ZNF462: variants seen among roughly 807,000 people sequenced by gnomAD.
The protein encoded by ZNF462 is zinc finger PBX1-interacting protein.
In ZNF462, 10 loss-of-function variants were observed where a neutral mutation model predicts 201.9. The observed-to-expected ratio is 0.05, with a 90% CI of 0.03 to 0.08. The LOEUF is 0.08. ZNF462 is among the 10% of genes least tolerant of loss of function. The pLI, the probability that ZNF462 is intolerant of heterozygous loss-of-function variation, is 1.00. For missense variants in ZNF462, 2,523 were observed against 3,168.3 expected (o/e 0.80, Z 4.89); for synonymous variants, 1,227 against 1,193.3 (o/e 1.03, Z -0.58).
Position 107,009,153 on chromosome 9 carries a change from C to A in ZNF462, c.7190-392C>A. 1 of 173,718 alleles carries A rather than the reference C, an allele frequency of 5.8e-6. No homozygotes were observed. The highest frequency in any genetic ancestry group is 1.2e-5 in the Non-Finnish European group (1 of 81,426). The allele number at this position is 173,718 out of a possible 1,614,324, so 10.8% of individuals were successfully genotyped here. ...TCAGTGAACAAAGATAAACCTGTGTCAAAAAGGAAATGAATAGATGCTAGC... is the reference window on the plus strand; with the variant it reads ...TCAGTGAACAAAGATAAACCTGTGTAAAAAAGGAAATGAATAGATGCTAGC... On this transcript the variant is annotated intron_variant, in intron 11 of 12. Transcript: ENST00000277225. This position sits in a 1 kb window ranked among gnomAD's most constrained non-coding sequence, Gnocchi z 6.1.
At chr9:106,891,463 T>C (rs1298244213) in intron 1 of ZNF462, among the ~76,000 whole-genome samples, 1 of 152,124 alleles carries the variant, frequency 6.6e-6, no homozygotes, top group Non-Finnish European at 1.5e-5. Context: ...AATGGAAACA[T>C]AGTAAGTGGC....
At chr9:106,908,312 G>A (rs1480449975) in intron 1 of ZNF462, among the ~76,000 whole-genome samples, 1 of 151,948 alleles carries the variant, frequency 6.6e-6, no homozygotes, top group Non-Finnish European at 1.5e-5. Context: ...TGTATCTGTT[G>A]CCATCTTTAT....
At chr9:106,939,766 G>A (rs1276741511) in intron 7 of ZNF462, among the ~76,000 whole-genome samples, 1 of 152,152 alleles carries the variant, frequency 6.6e-6, no homozygotes, top group Admixed American at 6.5e-5. Flanking sequence ...CAGACCTTAG[G>A]GCCTGCAGAT....
rs1308794554 is a variant in ZNF462 at position 106,872,280 on chromosome 9, T to C, written c.-31+8925T>C. Among the ~76,000 whole-genome samples the C allele has an allele frequency of 2.6e-5, 4 of 152,232 alleles. No homozygotes were observed. The highest frequency in any genetic ancestry group is 2.0e-4 in the Admixed American group (3 of 15,284). ...CCAGAATCTTTTCTCTTCAGTGGTT[T>C]CTATCTTAAATAGTCTTCTCTGAAG... On this transcript the variant is annotated intron_variant, in intron 1 of 12. Coordinates refer to ENST00000277225, the MANE Select transcript of ZNF462 (RefSeq NM_021224.6). This position sits in a 1 kb window ranked among gnomAD's most constrained non-coding sequence, Gnocchi z 4.5.
chr9:106,875,231 G>T (rs1827777510), intron 1 of ZNF462, among the ~76,000 whole-genome samples: 1 of 151,908 alleles, frequency 6.6e-6, no homozygotes, highest in South Asian at 2.1e-4. Flanking sequence ...ATATTATTTT[G>T]TCTGTGACCA....
At chr9:106,874,390 A>G (rs763118674) in intron 1 of ZNF462, among the ~76,000 whole-genome samples, 5 of 152,234 alleles carry the variant, frequency 3.3e-5, no homozygotes, top group Non-Finnish European at 7.3e-5. Flanking sequence ...GGCTACCCTC[A>G]GGAACTGCTT....
intron 1 of ZNF462, among the ~76,000 whole-genome samples, chr9:106,877,194 T>C (rs981210564): frequency 6.6e-6 from 1 of 151,398 alleles, no homozygotes; most frequent in African/African-American, 2.4e-5. Flanking sequence ...GGTGGTGTGG[T>C]GGTGGTGGTG....
intron 1 of ZNF462, among the ~76,000 whole-genome samples, chr9:106,879,199 G>A (rs1827973856): frequency 6.6e-6 from 1 of 152,154 alleles, no homozygotes; most frequent in South Asian, 2.1e-4. Context: ...AGATAATTCA[G>A]CTGGGCAAGC....
Position 106,917,078 on chromosome 9 carries a change from A to G in ZNF462, c.-30-6276A>G, listed in dbSNP as rs1323484529. On this transcript the variant is annotated intron_variant, in intron 1 of 12. Coordinates refer to ENST00000277225, the MANE Select transcript of ZNF462 (RefSeq NM_021224.6). The surrounding 1 kb of genome is among the most constrained non-coding windows in gnomAD (Gnocchi z 4.5). ...GCCTCAATTAGCCTTATATCATTGC[A>G]AAGGAATGCATGAATTCTCCAGAAG... 1.3e-5 allele frequency among the ~76,000 whole-genome samples: 2 copies of G among 152,200 alleles called. No homozygotes were observed. The highest frequency in any genetic ancestry group is 2.9e-5 in the Non-Finnish European group (2 of 68,046).
In ZNF462 at chr9:106,984,313, A is replaced by C. The variant is rs1827662613; in HGVS notation, c.6960A>C (p.Glu2320Asp). The C allele has an allele frequency of 6.2e-7, 1 of 1,614,122 alleles. No individual in the cohort carries two copies. Among genetic ancestry groups the C allele is most frequent in the African/African-American group, 1.3e-5 (1 of 75,024 alleles). ...ATGAGAGCCTCCAGCAACATATAGA[A>C]AAGCACAATGAACTGAAACCTTACA... ...SSDESLQQHI[E>D]KHNELKPYKC... is the part of the protein sequence containing the mutation. The change falls in exon 10 of 13, where the codon GAA (glutamate) becomes GAC (aspartate). Residue 2320 changes from glutamate (E) to aspartate (D), a missense_variant. By Grantham distance (45) the Glu-to-Asp change is conservative. Around this residue, in one of 15 missense-constraint regions of ZNF462, gnomAD observed 228 missense variants for 361.2 expected, o/e 0.63. Transcript: ENST00000277225. The surrounding 1 kb of genome is among the most constrained non-coding windows in gnomAD (Gnocchi z 6.4).
intron 1 of ZNF462, among the ~76,000 whole-genome samples, chr9:106,866,737 G>A (rs1386562858): frequency 6.6e-6 from 1 of 152,180 alleles, no homozygotes; most frequent in East Asian, 1.9e-4. Context: ...ATTTAAATTT[G>A]CTAATGCATA....
chr9:106,879,465 C>T (rs1827995524), intron 1 of ZNF462, among the ~76,000 whole-genome samples: 1 of 151,874 alleles, frequency 6.6e-6, no homozygotes, highest in Non-Finnish European at 1.5e-5. Flanking sequence ...AACCTGTCAG[C>T]ATAAACAGAG....
At chr9:106,892,384 G>A (rs1828617124) in intron 1 of ZNF462, among the ~76,000 whole-genome samples, 1 of 152,098 alleles carries the variant, frequency 6.6e-6, no homozygotes, top group East Asian at 1.9e-4. Flanking sequence ...AATATTTTTA[G>A]GCATCATCAA....
At chr9:106,887,705 T>G (rs1311847773) in intron 1 of ZNF462, among the ~76,000 whole-genome samples, 3 of 152,152 alleles carry the variant, frequency 2.0e-5, no homozygotes, top group African/African-American at 7.2e-5. Flanking sequence ...ATGAGACAAA[T>G]GAACTGTTTA....
chr9:106,960,072 C>T (rs965126222), intron 7 of ZNF462, among the ~76,000 whole-genome samples: 2 of 152,046 alleles, frequency 1.3e-5, no homozygotes, highest in Non-Finnish European at 2.9e-5. Context: ...GACTCCCGCT[C>T]GGGGACAATT....
In ZNF462 at chr9:106,969,514, G is replaced by T. The variant is rs528078992; in HGVS notation, c.6428-2491G>T. On this transcript the variant is annotated intron_variant, in intron 7 of 12. Transcript: ENST00000277225. ...GTCTGCCTGACAGATCAGTGCATGT[G>T]TTGAGTTGGGGGTGGATGGGAGGTC... Among the ~76,000 whole-genome samples, 5 of 152,282 alleles carry T rather than the reference G, an allele frequency of 3.3e-5. No individual in the cohort carries two copies. The South Asian group carries it at 1.0e-3, about 32-fold the overall frequency.
chr9:106,873,292 A>G (rs1377784213), intron 1 of ZNF462, among the ~76,000 whole-genome samples: 2 of 152,154 alleles, frequency 1.3e-5, no homozygotes, highest in African/African-American at 4.8e-5. Context: ...TGTAGAGGAG[A>G]TGATAGGGAA....
chr9:106,881,781 AGT>A (rs1165013514), intron 1 of ZNF462, among the ~76,000 whole-genome samples: 1 of 152,228 alleles, frequency 6.6e-6, no homozygotes, highest in Non-Finnish European at 1.5e-5. Flanking sequence ...TTTCAAAGCC[AGT>A]GTGCTCCCCT....
chr9:106,950,371 A>G lies in ZNF462; in HGVS notation c.6427+11264A>G, dbSNP rs554028735. Among the ~76,000 whole-genome samples the G allele has an allele frequency of 1.3e-5, 2 of 152,310 alleles. No individual in the cohort carries two copies. Among genetic ancestry groups the G allele is most frequent in the African/African-American group, 4.8e-5 (2 of 41,570 alleles). ...GCTGCAGTCTATCTTACTTGTCCCAAACTAAATGGAGTGAGCAGCTGTGTG... is the reference window on the plus strand; with the variant it reads ...GCTGCAGTCTATCTTACTTGTCCCAGACTAAATGGAGTGAGCAGCTGTGTG... On this transcript the variant is annotated intron_variant, in intron 7 of 12. Coordinates refer to ENST00000277225, the MANE Select transcript of ZNF462 (RefSeq NM_021224.6). The surrounding 1 kb of genome is among the most constrained non-coding windows in gnomAD (Gnocchi z 4.1).
Sources: allele counts gnomAD v4.1 joint callset (sites outside exome capture counted in the v4.1 genomes callset), GRCh38; gene constraint gnomAD v4.1.1; regional missense constraint gnomAD v4.1.1; non-coding constraint Gnocchi (gnomAD v3.1); transcripts MANE v1.5; gene names NCBI Gene and HGNC (gene_info 2026-07-23, HGNC 2026-07-21).